Variants in GBF1 observed in about 807,000 individuals in gnomAD.
GBF1 encodes the protein Golgi-specific brefeldin A-resistance guanine nucleotide exchange factor 1.
In GBF1, 114 loss-of-function variants were observed where a neutral mutation model predicts 210.5. The observed-to-expected ratio is 0.54, with a 90% CI of 0.47 to 0.63. The LOEUF (loss-of-function observed/expected upper bound fraction) is 0.63. GBF1 is among the 30% of genes least tolerant of loss of function. GBF1 has a pLI of 0.00. For synonymous variants in GBF1, 850 were observed against 889.2 expected (o/e 0.96, Z 0.78); for missense variants, 1,851 against 2,357.7 (o/e 0.79, Z 4.45).
rs936184855 is a variant in GBF1, at chr10:102,358,573, G to A, written c.855G>A (p.Val285=). Residue 285 remains valine, a synonymous_variant, in exon 10 of 40, where the codon GTG becomes GTA. Transcript: ENST00000369983. The part of the protein sequence containing the change: ...SSASSEAASA[V]VSPSTDSGLE... ...CAAGTTCAGAAGCTGCCTCAGCAGT[G>A]GTCAGTCCCTCTACAGACAGTGGCC... 1 of 1,613,634 alleles carries A rather than the reference G, an allele frequency of 6.2e-7. No individual in the cohort carries two copies. The highest frequency in any genetic ancestry group is 1.3e-5 in the African/African-American group (1 of 74,850).
intron 3 of GBF1, among the ~76,000 whole-genome samples, chr10:102,275,487 G>C (rs921954994): frequency 1.3e-5 from 2 of 152,170 alleles, no homozygotes; most frequent in African/African-American, 2.4e-5. Context: ...GGATTTTCAA[G>C]GGTAGAAAGA....
At chr10:102,310,307 T>G (rs1256199923) in intron 3 of GBF1, among the ~76,000 whole-genome samples, 1 of 152,236 alleles carries the variant, frequency 6.6e-6, no homozygotes, top group African/African-American at 2.4e-5. Context: ...TAAGATGAAA[T>G]TGAAGCTGTA....
At chr10:102,369,801 G>A (rs1565174153) in intron 25 of GBF1, 26 bp downstream of exon 25, 4 of 1,614,142 alleles carry the variant, frequency 2.5e-6, no homozygotes, top group Non-Finnish European at 3.4e-6. Context: ...AGGCTCAGGG[G>A]CTTGGGGAGG....
rs919487954 is a variant in GBF1, at chr10:102,245,565, C to T, written c.-227C>T. On this transcript the variant is annotated 5_prime_UTR_variant, in exon 1 of 40. Coordinates refer to ENST00000369983, the MANE Select transcript of GBF1 (RefSeq NM_001377137.1). Reference sequence around the variant, plus strand: ...CGTCAGTGAGCTGACAGGGAAGGTACCCGGCTCTACTGCCCGTCCCGGACG... The same window carrying T: ...CGTCAGTGAGCTGACAGGGAAGGTATCCGGCTCTACTGCCCGTCCCGGACG... 6.6e-6 allele frequency: 1 copy of T among 152,230 alleles called. No individual in the cohort carries two copies. The highest frequency in any genetic ancestry group is 1.5e-5 in the Non-Finnish European group (1 of 68,058). 9.4% of individuals were successfully genotyped at this position (152,230 alleles called of 1,614,324 possible). A position where few individuals can be genotyped will look rare whatever the true frequency, so the allele number is the denominator to read the frequency against.
intron 33 of GBF1, among the ~76,000 whole-genome samples, chr10:102,377,589 G>A (rs889656579): frequency 3.3e-5 from 5 of 152,036 alleles, no homozygotes; most frequent in East Asian, 3.9e-4. Flanking sequence ...TCCTGACCTC[G>A]TGATCCGCCT....
chr10:102,237,711 A>G, the GBF1 span, among the ~76,000 whole-genome samples: 1 of 152,040 alleles, frequency 6.6e-6, no homozygotes, highest in African/African-American at 2.4e-5. Context: ...ATGCAAACAA[A>G]TTTTTCGTTC....
At chr10:102,253,684 T>C (rs2071926061) in intron 1 of GBF1, among the ~76,000 whole-genome samples, 1 of 152,140 alleles carries the variant, frequency 6.6e-6, no homozygotes, top group Admixed American at 6.5e-5. Context: ...CTACTAATTT[T>C]TAAATTTTTT....
intron 1 of GBF1, among the ~76,000 whole-genome samples, chr10:102,250,084 G>A (rs2071323707): frequency 1.1e-5 from 1 of 89,636 alleles, no homozygotes; most frequent in Non-Finnish European, 2.3e-5. Context: ...TTTTCAGAAA[G>A]TCCATCAGTT....
upstream of GBF1, among the ~76,000 whole-genome samples, chr10:102,242,700 G>A (rs1057078694): frequency 2.0e-5 from 3 of 152,056 alleles, no homozygotes; most frequent in Admixed American, 6.6e-5. Context: ...AGGCCGAGGC[G>A]GGCGGATCAC....
chr10:102,296,159 A>G (rs531905501), intron 3 of GBF1, among the ~76,000 whole-genome samples: 7 of 152,310 alleles, frequency 4.6e-5, no homozygotes, highest in African/African-American at 1.7e-4. Flanking sequence ...AGAAACTAAA[A>G]CTTAAACCAA....
At chr10:102,256,633 C>T (rs2072431232) in intron 1 of GBF1, among the ~76,000 whole-genome samples, 2 of 151,572 alleles carry the variant, frequency 1.3e-5, no homozygotes, top group South Asian at 4.2e-4. Flanking sequence ...GATTCTTCTG[C>T]CTCAGCCACT....
chr10:102,337,040 T>A (rs2057797696), intron 3 of GBF1, among the ~76,000 whole-genome samples: 1 of 152,174 alleles, frequency 6.6e-6, no homozygotes, highest in Non-Finnish European at 1.5e-5. Flanking sequence ...TTGGACTTTA[T>A]GTTTTTAAAA....
At chr10:102,246,968 T>C (rs552416532) in intron 1 of GBF1, among the ~76,000 whole-genome samples, 1 of 152,342 alleles carries the variant, frequency 6.6e-6, no homozygotes, top group Non-Finnish European at 1.5e-5. Context: ...GAGCATGTAG[T>C]AGGTTAAGAG....
chr10:102,376,079 A>C (rs1422100037), intron 30 of GBF1, among the ~76,000 whole-genome samples, 193 bp from the exon 31 acceptor site: 1 of 151,912 alleles, frequency 6.6e-6, no homozygotes, highest in Non-Finnish European at 1.5e-5. Flanking sequence ...AGGAACCCAG[A>C]TTAGCCTGCC....
intron 3 of GBF1, among the ~76,000 whole-genome samples, chr10:102,308,688 A>T (rs942076509): frequency 1.4e-5 from 2 of 145,034 alleles, no homozygotes; most frequent in African/African-American, 5.1e-5. Flanking sequence ...GAACACATGG[A>T]CACAGGAAGG....
intron 3 of GBF1, among the ~76,000 whole-genome samples, chr10:102,317,139 G>A (rs2079001167): frequency 1.3e-5 from 2 of 151,850 alleles, no homozygotes; most frequent in South Asian, 2.1e-4. Context: ...ATAACATTTA[G>A]TAGTAATATA....
chr10:102,303,557 G>A lies in GBF1; in HGVS notation c.164-40494G>A, dbSNP rs933606562. Among the ~76,000 whole-genome samples, 7 of 152,254 alleles carry A rather than the reference G, an allele frequency of 4.6e-5. No homozygotes were observed. In the South Asian group the frequency reaches 6.2e-4, roughly 14 times the overall value. On this transcript the variant is annotated intron_variant, in intron 3 of 39. Transcript: ENST00000369983. ...TATGGCTGCCTAAAGAATAATTCAGGTTGTTTCCATATGAATACTGCTACA... is the reference window on the plus strand; with the variant it reads ...TATGGCTGCCTAAAGAATAATTCAGATTGTTTCCATATGAATACTGCTACA...
At chr10:102,257,185 A>C (rs2072522396) in intron 1 of GBF1, among the ~76,000 whole-genome samples, 1 of 152,256 alleles carries the variant, frequency 6.6e-6, no homozygotes. Flanking sequence ...TTTACATATC[A>C]TATTAATGCT....
intron 3 of GBF1, among the ~76,000 whole-genome samples, chr10:102,276,327 C>A (rs2133375597): frequency 6.6e-6 from 1 of 151,920 alleles, no homozygotes; most frequent in East Asian, 1.9e-4. Flanking sequence ...GAGATCGAGA[C>A]CATCCTGGCT....
Sources: allele counts gnomAD v4.1 joint callset (sites outside exome capture counted in the v4.1 genomes callset), GRCh38; gene constraint gnomAD v4.1.1; transcripts MANE v1.5; gene names NCBI Gene and HGNC (gene_info 2026-07-23, HGNC 2026-07-21).